The following TOM1L1 variants were observed in gnomAD, a reference collection of about 807,000 sequenced individuals.
TOM1L1 encodes the protein target of myb1 like 1 membrane trafficking protein.
TOM1L1 carries 64 observed loss-of-function variants against 63.4 expected under a neutral mutation model. The observed-to-expected ratio is 1.01, with a 90% CI of 0.83 to 1.24. TOM1L1 has a LOEUF of 1.24. Ranked by LOEUF, TOM1L1 falls within the 50% of genes most tolerant of loss-of-function variation. The pLI is 0.00. For synonymous variants in TOM1L1, 166 were observed against 194.4 expected, an observed-to-expected ratio of 0.85 and a Z score of 1.22; for missense variants, 536 against 567.0, an observed-to-expected ratio of 0.95 and a Z score of 0.55.
Position 54,903,591 on chromosome 17 carries a change from C to T in TOM1L1, c.59-117C>T, listed in dbSNP as rs1483674857. On this transcript the variant is annotated intron_variant, in intron 1 of 15. Transcript: ENST00000575882. The stretch of plus-strand genomic sequence containing the variant: ...AACTGTTCCAAAAAAAATCACTTTG[C>T]CCTTTGGCAATGTAAACTTAATGAC... 14 of 898,294 alleles carry T rather than the reference C, an allele frequency of 1.6e-5. No individual in the cohort carries two copies. The East Asian group carries it at 3.6e-4, about 23-fold the overall frequency. The allele number at this position is 898,294 out of a possible 1,614,324, so 55.6% of individuals were successfully genotyped here.
chr17:54,901,037 T>C (rs2048317684), intron 1 of TOM1L1, 114 bp downstream of exon 1: 1 of 1,420,726 alleles, frequency 7.0e-7, no homozygotes. Flanking sequence ...AAAAAATTAT[T>C]CCCCTCCCCC....
chr17:54,956,088 C>A (rs1318447052), intron 14 of TOM1L1, among the ~76,000 whole-genome samples: 1 of 152,052 alleles, frequency 6.6e-6, no homozygotes, highest in Non-Finnish European at 1.5e-5. Context: ...ACTTGTTACC[C>A]CTAAAAAAAC....
intron 3 of TOM1L1, chr17:54,906,796 C>T: frequency 2.0e-6 from 2 of 985,454 alleles, no homozygotes; most frequent in Non-Finnish European, 2.4e-6. Context: ...GGTGAGTTGT[C>T]CTTTTTACTT....
chr17:54,942,784 A>C (rs1047004750), intron 11 of TOM1L1, among the ~76,000 whole-genome samples: 29 of 152,314 alleles, frequency 1.9e-4, no homozygotes, highest in African/African-American at 7.0e-4. Context: ...AGGATACAGA[A>C]TAGTTCCGTC....
chr17:54,960,455 G>C lies in TOM1L1; in HGVS notation c.1371-111G>C, dbSNP rs567252654. The C allele has an allele frequency of 5.2e-5, 40 of 763,646 alleles. No homozygotes were observed. In the East Asian group the frequency reaches 9.3e-4, roughly 18 times the overall value. The allele number at this position is 763,646 out of a possible 1,614,324, so 47.3% of individuals were successfully genotyped here. A position where few individuals can be genotyped will look rare whatever the true frequency, so the allele number is the denominator to read the frequency against. The stretch of plus-strand genomic sequence containing the variant: ...AGAGACTTATTTTTACTCATATGTA[G>C]CCTGAACTCCAAAACCAGCTCAATT... On this transcript the variant is annotated intron_variant, in intron 14 of 15. Coordinates refer to ENST00000575882, the MANE Select transcript of TOM1L1 (RefSeq NM_005486.3).
chr17:54,951,947 A>C, intron 14 of TOM1L1: 1 of 152,232 alleles, frequency 6.6e-6, no homozygotes, highest in South Asian at 2.1e-4. Context: ...TAAATTCTTT[A>C]GGGGCCAGGA....
At chr17:54,927,015 T>C (rs548298721) in intron 7 of TOM1L1, among the ~76,000 whole-genome samples, 46 of 152,356 alleles carry the variant, frequency 3.0e-4, no homozygotes, top group Non-Finnish European at 6.3e-4. Flanking sequence ...AGACACTGTT[T>C]TGTTGGAAAG....
intron 8 of TOM1L1, chr17:54,930,473 G>A: frequency 3.1e-6 from 1 of 321,442 alleles, no homozygotes; most frequent in Non-Finnish European, 5.8e-6. Context: ...TGGAGGCCGA[G>A]GCAGGAGGAT....
chr17:54,916,714 C>T (rs2048595549), intron 7 of TOM1L1: 1 of 152,064 alleles, frequency 6.6e-6, no homozygotes, highest in Admixed American at 6.6e-5. Context: ...TTTTTCCTTG[C>T]TCATTTCTTA....
intron 7 of TOM1L1, among the ~76,000 whole-genome samples, chr17:54,922,891 A>C (rs772962417): frequency 1.2e-4 from 18 of 152,220 alleles, no homozygotes; most frequent in African/African-American, 4.3e-4. Flanking sequence ...CCCCATGCTC[A>C]TTAAGCAGCC....
In TOM1L1 at chr17:54,931,961, T is replaced by TTTTG. The variant is rs2048868413; in HGVS notation, c.854+1757_854+1758insTGTT. On this transcript the variant is annotated intron_variant, in intron 8 of 15. Transcript: ENST00000575882. The stretch of plus-strand genomic sequence containing the variant: ...TTCTTTTTTCTTCGTTTTTTTTTTG[T>TTTTG]TTGTTTGTTTGTTTGTTTTTTTGAG... Among the ~76,000 whole-genome samples the TTTTG allele has an allele frequency of 1.3e-4, 6 of 44,644 alleles. No homozygotes were observed. In the South Asian group the frequency reaches 4.5e-3, roughly 34 times the overall value. The allele number at this position is 44,644 out of a possible 152,430, so 29.3% of individuals were successfully genotyped here. A position where few individuals can be genotyped will look rare whatever the true frequency, so the allele number is the denominator to read the frequency against.
chr17:54,904,458 A>G (rs1449142959), intron 2 of TOM1L1, among the ~76,000 whole-genome samples: 2 of 152,028 alleles, frequency 1.3e-5, no homozygotes, highest in Non-Finnish European at 2.9e-5. Flanking sequence ...ATTTGATGAA[A>G]CCATCAAATA....
intron 15 of TOM1L1, 43 bp downstream of exon 15, chr17:54,960,670 A>T: frequency 7.1e-7 from 1 of 1,408,260 alleles, no homozygotes; most frequent in Non-Finnish European, 1.0e-6. Context: ...TATTCCATAT[A>T]ATTTCAGTAT....
intron 8 of TOM1L1, among the ~76,000 whole-genome samples, chr17:54,930,647 C>CTA (rs1230692914): frequency 6.6e-6 from 1 of 152,104 alleles, no homozygotes; most frequent in Non-Finnish European, 1.5e-5. Flanking sequence ...CGAAACCAGC[C>CTA]TAACCAACAT....
chr17:54,950,645 A>G (rs2049207934), intron 14 of TOM1L1, among the ~76,000 whole-genome samples: 1 of 152,230 alleles, frequency 6.6e-6, no homozygotes, highest in Non-Finnish European at 1.5e-5. Context: ...TGGTAAGGTC[A>G]TAAGAACTTT....
At chr17:54,936,961 G>T in intron 9 of TOM1L1, 148 bp from the exon 10 acceptor site, 1 of 724,938 alleles carries the variant, frequency 1.4e-6, no homozygotes, top group Non-Finnish European at 2.3e-6. Flanking sequence ...GTGGTAAGAT[G>T]GGATTCATAC....
At chr17:54,950,209 T>C (rs779861399) in intron 14 of TOM1L1, 83 bp downstream of exon 14, 81 of 1,057,720 alleles carry the variant, frequency 7.7e-5, no homozygotes, top group Non-Finnish European at 1.1e-4. Context: ...GTTATACATT[T>C]AACTTTGTTT....
chr17:54,955,396 T>G (rs374185482), intron 14 of TOM1L1, among the ~76,000 whole-genome samples: 1 of 152,188 alleles, frequency 6.6e-6, no homozygotes. Context: ...TTTGTATCAC[T>G]GCATTCTGGT....
chr17:54,936,919 A>C (rs1290999329), intron 9 of TOM1L1, among the ~76,000 whole-genome samples, 190 bp from the exon 10 acceptor site: 1 of 152,130 alleles, frequency 6.6e-6, no homozygotes, highest in Non-Finnish European at 1.5e-5. Context: ...TAATGTTATG[A>C]AGTTATTAAT....
Sources: gnomAD v4.1 joint callset for allele counts (sites outside exome capture counted in the v4.1 genomes callset) on GRCh38, gnomAD v4.1.1 for gene constraint, MANE v1.5 for transcripts, NCBI Gene and HGNC (gene_info 2026-07-23, HGNC 2026-07-21) for gene names.